TRAK1: variants seen among roughly 807,000 people sequenced by gnomAD.
The protein encoded by TRAK1 is trafficking kinesin-binding protein 1.
A neutral mutation model predicts 92.1 loss-of-function variants in TRAK1; 33 were observed. The ratio of observed to expected loss-of-function variants is 0.36; its 90% CI spans 0.27 to 0.48. The LOEUF (loss-of-function observed/expected upper bound fraction) is 0.48. TRAK1 is among the 20% of genes least tolerant of loss of function. The pLI is 0.99. For synonymous variants in TRAK1, 521 were observed against 517.3 expected, an observed-to-expected ratio of 1.01 and a Z score of -0.10; for missense variants, 1,123 against 1,257.9, an observed-to-expected ratio of 0.89 and a Z score of 1.62.
intron 1 of TRAK1, among the ~76,000 whole-genome samples, chr3:42,121,301 C>CCAGG (rs1169706661): frequency 2.0e-5 from 3 of 151,084 alleles, no homozygotes; most frequent in African/African-American, 7.3e-5. Context: ...GCTGTGTCCC[C>CCAGG]CAGGCTGGAG....
intron 2 of TRAK1, among the ~76,000 whole-genome samples, chr3:42,130,224 T>C (rs1697013734): frequency 6.6e-6 from 1 of 152,078 alleles, no homozygotes; most frequent in Non-Finnish European, 1.5e-5. Flanking sequence ...TGAAAGCTGC[T>C]GCATTGGTCT....
Position 42,225,559 on chromosome 3 carries a change from A to G in TRAK1, c.*1822A>G, listed in dbSNP as rs757010103. The G allele has an allele frequency of 2.0e-5, 3 of 152,252 alleles. No individual in the cohort carries two copies. The highest frequency in any genetic ancestry group is 6.5e-5 in the Admixed American group (1 of 15,290). 9.4% of individuals were successfully genotyped at this position (152,252 alleles called of 1,614,324 possible). A position where few individuals can be genotyped will look rare whatever the true frequency, so the allele number is the denominator to read the frequency against. On this transcript the variant is annotated 3_prime_UTR_variant, in exon 16 of 16. Coordinates refer to ENST00000327628, the MANE Select transcript of TRAK1 (RefSeq NM_001042646.3). ...AATATGAAAACCATGGACTGAATGG[A>G]CCATTTTATGTATTCAGAGAGAGAA...
intron 1 of TRAK1, among the ~76,000 whole-genome samples, chr3:42,065,930 A>C (rs1017726285): frequency 1.3e-5 from 2 of 152,156 alleles, no homozygotes; most frequent in Non-Finnish European, 2.9e-5. Context: ...ACACCTGGCT[A>C]TCTCTTGAAT....
At chr3:42,164,200 T>C (rs1274756929) in intron 2 of TRAK1, among the ~76,000 whole-genome samples, 1 of 152,182 alleles carries the variant, frequency 6.6e-6, no homozygotes, top group Non-Finnish European at 1.5e-5. Flanking sequence ...AGTGAAAATA[T>C]GTGTGTGGAT....
chr3:42,136,030 T>C (rs1243266535), intron 2 of TRAK1, among the ~76,000 whole-genome samples: 5 of 152,168 alleles, frequency 3.3e-5, no homozygotes, highest in African/African-American at 1.2e-4. Flanking sequence ...CTTCCCCTGT[T>C]CTCCTAAATC....
At chr3:42,093,289 C>G (rs1221273806) in intron 1 of TRAK1, among the ~76,000 whole-genome samples, 1 of 151,700 alleles carries the variant, frequency 6.6e-6, no homozygotes, top group African/African-American at 2.4e-5. Context: ...AGAAAGGGGC[C>G]CTGTTATGCT....
intron 1 of TRAK1, among the ~76,000 whole-genome samples, chr3:42,045,598 TC>T (rs1280088091): frequency 6.6e-6 from 1 of 152,192 alleles, no homozygotes; most frequent in African/African-American, 2.4e-5. Flanking sequence ...ATGGATCCGA[TC>T]CTAGGTGGTG....
intron 1 of TRAK1, among the ~76,000 whole-genome samples, chr3:42,056,697 A>G (rs1397650670): frequency 6.6e-6 from 1 of 152,166 alleles, no homozygotes; most frequent in Non-Finnish European, 1.5e-5. Context: ...ACTTTTTAAT[A>G]TTGTCCCAAG....
chr3:42,057,532 A>G (rs1381354117), intron 1 of TRAK1, among the ~76,000 whole-genome samples: 2 of 152,152 alleles, frequency 1.3e-5, no homozygotes, highest in Non-Finnish European at 2.9e-5. Context: ...GGCCAATCAC[A>G]GTGGCCCCAT....
At chr3:42,196,206 A>G (rs564309471) in intron 10 of TRAK1, among the ~76,000 whole-genome samples, 2 of 152,320 alleles carry the variant, frequency 1.3e-5, no homozygotes, top group Non-Finnish European at 2.9e-5. Context: ...AAAGTGTATT[A>G]TGCATTAAAG....
intron 1 of TRAK1, among the ~76,000 whole-genome samples, chr3:42,111,303 A>T (rs1270951844): frequency 6.6e-6 from 1 of 152,192 alleles, no homozygotes; most frequent in Non-Finnish European, 1.5e-5. Context: ...TTTAGCTTTG[A>T]AACAAAGAGG....
chr3:42,190,991 A>G (rs1341763638), intron 6 of TRAK1, among the ~76,000 whole-genome samples: 1 of 152,122 alleles, frequency 6.6e-6, no homozygotes, highest in East Asian at 1.9e-4. Flanking sequence ...CAGCCAGGGC[A>G]AGTTGTCCAG....
chr3:42,072,371 G>A (rs1186995051), intron 1 of TRAK1, among the ~76,000 whole-genome samples: 1 of 152,082 alleles, frequency 6.6e-6, no homozygotes, highest in African/African-American at 2.4e-5. Context: ...GTGCCGGAAA[G>A]CTCTGCTCGT....
rs1183138130 is a variant in TRAK1 at position 42,202,510 on chromosome 3, G to A, written c.1502G>A (p.Arg501Gln). The A allele has an allele frequency of 2.0e-6, 3 of 1,526,362 alleles. No individual in the cohort carries two copies. Among genetic ancestry groups the A allele is most frequent in the African/African-American group, 1.4e-5 (1 of 72,442 alleles). 94.6% of individuals were successfully genotyped at this position (1,526,362 alleles called of 1,614,324 possible). A position where few individuals can be genotyped will look rare whatever the true frequency, so the allele number is the denominator to read the frequency against. ...GSHDLETALR[R>Q]LSLRRENYLS... Reference sequence around the variant, plus strand: ...CACGACCTGGAGACGGCGCTGAGGCGGCTGTCCCTGCGCCGGGAGAACTAC... The same window carrying A: ...CACGACCTGGAGACGGCGCTGAGGCAGCTGTCCCTGCGCCGGGAGAACTAC... Residue 501 changes from arginine to glutamine, a missense_variant, in exon 13 of 16, where the codon CGG (arginine) becomes CAG (glutamine). By Grantham distance (43) the Arg-to-Gln change is conservative (BLOSUM62 1). Around this residue, in one of 3 missense-constraint regions of TRAK1, gnomAD observed 686 missense variants for 747.6 expected, o/e 0.92. Coordinates refer to ENST00000327628, the MANE Select transcript of TRAK1 (RefSeq NM_001042646.3). This position sits in a 1 kb window ranked among gnomAD's most constrained non-coding sequence, Gnocchi z 6.1.
intron 1 of TRAK1, among the ~76,000 whole-genome samples, chr3:42,059,839 G>A (rs895691330): frequency 1.3e-5 from 2 of 152,144 alleles, no homozygotes; most frequent in Non-Finnish European, 2.9e-5. Flanking sequence ...TCTGTGCAGT[G>A]GGCATAATAA....
intron 1 of TRAK1, among the ~76,000 whole-genome samples, chr3:42,045,804 A>G (rs976590837): frequency 1.2e-4 from 19 of 152,320 alleles, no homozygotes; most frequent in African/African-American, 4.1e-4. Context: ...AGGCAGTGCC[A>G]TCTGGCTACC....
At chr3:42,144,995 G>T (rs13093592) in intron 2 of TRAK1, among the ~76,000 whole-genome samples, 28,490 of 152,046 alleles carry the variant, frequency 0.19, 2,737 homozygotes, top group African/African-American at 0.21. Flanking sequence ...TCATTGCATT[G>T]TTCTTTTATT....
At chr3:42,139,638 G>T (rs983861796) in intron 2 of TRAK1, among the ~76,000 whole-genome samples, 3 of 151,934 alleles carry the variant, frequency 2.0e-5, no homozygotes, top group Middle Eastern at 3.2e-3. Context: ...CACCTGCCAG[G>T]TTTCATTTTT....
At chr3:42,121,329 G>A (rs565281209) in intron 1 of TRAK1, among the ~76,000 whole-genome samples, 31 of 148,742 alleles carry the variant, frequency 2.1e-4, no homozygotes, top group African/African-American at 6.5e-4. Flanking sequence ...GCGCAGTCTC[G>A]GCTCACTGCA....
Sources: gnomAD v4.1 joint callset for allele counts (sites outside exome capture counted in the v4.1 genomes callset) on GRCh38, gnomAD v4.1.1 for gene constraint, gnomAD v4.1.1 regional missense constraint, Gnocchi (gnomAD v3.1) non-coding constraint, MANE v1.5 for transcripts, NCBI Gene and HGNC (gene_info 2026-07-23, HGNC 2026-07-21) for gene names.